EP300: variants seen among roughly 807,000 people sequenced by gnomAD.
The protein encoded by EP300 is EP300 lysine acetyltransferase.
In EP300, 31 loss-of-function variants were observed where a neutral mutation model predicts 264.0. The ratio of observed to expected loss-of-function variants is 0.12; its 90% CI spans 0.09 to 0.16. The LOEUF is 0.16. Among genes scored for constraint, EP300 ranks in the 10% least tolerant of loss-of-function variants. EP300 has a pLI of 1.00. For synonymous variants in EP300, 1,340 were observed against 1,045.4 expected (o/e 1.28, Z -5.44); for missense variants, 2,766 against 3,052.9 (o/e 0.91, Z 2.21).
rs1208385072 is a variant in EP300 at position 41,179,551 on chromosome 22, G to A, written c.*595G>A. 1.1e-5 allele frequency: 2 copies of A among 186,446 alleles called. No homozygotes were observed. Among genetic ancestry groups the A allele is most frequent in the Non-Finnish European group, 2.2e-5 (2 of 92,186 alleles). The allele number at this position is 186,446 out of a possible 1,614,324, so 11.5% of individuals were successfully genotyped here. On this transcript the variant is annotated 3_prime_UTR_variant, in exon 31 of 31. Transcript: ENST00000263253. ...AAATGTTTAAAAAAAAAAAAAAACT[G>A]CCTTTCTTCCCCTCAAGTCAACTTT...
intron 16 of EP300, among the ~76,000 whole-genome samples, chr22:41,152,704 G>C (rs1046428038): frequency 6.6e-6 from 1 of 151,946 alleles, no homozygotes; most frequent in East Asian, 1.9e-4. Context: ...TCATTCACCT[G>C]CTGTGTGCTA....
At chr22:41,136,986 G>A (rs530715998) in intron 7 of EP300, among the ~76,000 whole-genome samples, 74 of 152,110 alleles carry the variant, frequency 4.9e-4, no homozygotes, top group African/African-American at 1.5e-3. Flanking sequence ...CTTGAACCCC[G>A]GAGGCAGAGG....
chr22:41,158,663 A>G, intron 19 of EP300, 163 bp downstream of exon 19: 1 of 646,182 alleles, frequency 1.5e-6, no homozygotes, highest in Admixed American at 2.3e-5. Context: ...TTTGCAGAAC[A>G]ATAAAATTTT....
chr22:41,093,195 G>T, intron 1 of EP300, 97 bp downstream of exon 1: 20 of 1,194,744 alleles, frequency 1.7e-5, no homozygotes, highest in Non-Finnish European at 2.3e-5. Context: ...TCTCTCTCTA[G>T]TTCCCTGCCC....
intron 3 of EP300, among the ~76,000 whole-genome samples, chr22:41,126,541 C>A (rs893288438): frequency 3.9e-5 from 6 of 152,042 alleles, no homozygotes; most frequent in African/African-American, 1.4e-4. Context: ...TACAGTCAAA[C>A]TACTAGTAGT....
At chr22:41,112,037 G>A (rs557314439) in intron 1 of EP300, among the ~76,000 whole-genome samples, 11 of 151,490 alleles carry the variant, frequency 7.3e-5, no homozygotes, top group South Asian at 4.2e-4. Flanking sequence ...ACAGGCATCC[G>A]CCACCGCGCC....
chr22:41,177,507 T>A lies in EP300; in HGVS notation c.5796T>A (p.Ile1932=), dbSNP rs2145517752. 1.2e-6 allele frequency: 2 copies of A among 1,614,132 alleles called. No individual in the cohort carries two copies. Among genetic ancestry groups the A allele is most frequent in the South Asian group, 1.1e-5 (1 of 91,076 alleles). The part of the protein sequence containing the change: ...PPAAVEMAMQ[I]QRAAETQRQM... ...CAGCAGTGGAAATGGCAATGCAGAT[T>A]CAGAGAGCAGCGGAGACGCAGCGCC... Residue 1932 remains isoleucine (I), a synonymous_variant, in exon 31 of 31, where the codon ATT becomes ATA. Transcript: ENST00000263253.
chr22:41,112,540 G>A (rs545014440), intron 1 of EP300, among the ~76,000 whole-genome samples: 118 of 152,128 alleles, frequency 7.8e-4, no homozygotes, highest in African/African-American at 2.8e-3. Flanking sequence ...TTACTATGGC[G>A]AATGACAGTT....
chr22:41,101,743 T>C (rs1238704234), intron 1 of EP300, among the ~76,000 whole-genome samples: 4 of 152,102 alleles, frequency 2.6e-5, no homozygotes, highest in Admixed American at 2.6e-4. Context: ...TTTCTTGAGA[T>C]GGAGTCTTGC....
At chr22:41,102,029 C>CTTTTTTT (rs5845488) in intron 1 of EP300, among the ~76,000 whole-genome samples, 8 of 119,252 alleles carry the variant, frequency 6.7e-5, no homozygotes, top group African/African-American at 1.9e-4. Context: ...TTTTTCTTTT[C>CTTTTTTT]TTTTTTTTTT....
At chr22:41,134,552 G>A (rs914408578) in intron 6 of EP300, among the ~76,000 whole-genome samples, 5 of 152,050 alleles carry the variant, frequency 3.3e-5, no homozygotes, top group Admixed American at 1.3e-4. Flanking sequence ...GCACCACCAC[G>A]CCTGGCTAAT....
chr22:41,153,138 T>TGGTC (rs1308488494), intron 16 of EP300, among the ~76,000 whole-genome samples: 1 of 152,198 alleles, frequency 6.6e-6, no homozygotes, highest in Non-Finnish European at 1.5e-5. Context: ...GTTACTCAGC[T>TGGTC]GACCCTACTG....
At position 41,157,410 on chromosome 22, in the gene EP300, T is replaced by C. The variant is rs1303561929; in HGVS notation, c.3501+2T>C. On this transcript the variant is annotated splice_donor_variant, in intron 18 of 30. Transcript: ENST00000263253. LOFTEE classifies it high-confidence loss of function. The stretch of plus-strand genomic sequence containing the variant: ...CTTGGATACTGTTGTGGCAGAAAGG[T>C]AAGAAATGTGTTTCAGATTTGACTT... The C allele has an allele frequency of 6.2e-7, 1 of 1,613,634 alleles. No individual in the cohort carries two copies. The highest frequency in any genetic ancestry group is 8.5e-7 in the Non-Finnish European group (1 of 1,179,980).
intron 11 of EP300, 62 bp downstream of exon 11, chr22:41,146,878 T>C: frequency 7.0e-7 from 1 of 1,420,548 alleles, no homozygotes; most frequent in Non-Finnish European, 9.8e-7. Context: ...AAGATAATAC[T>C]TGCTACCTGA....
chr22:41,110,303 TTTTTTTTTTTTTTTTTTG>T (rs2058782699), intron 1 of EP300, among the ~76,000 whole-genome samples: 1 of 108,044 alleles, frequency 9.3e-6, no homozygotes, highest in Non-Finnish European at 1.9e-5. Context: ...TTTTTTTTTT[TTTTTTTTTTTTTTTTTTG>T]AGACAAAGTC....
chr22:41,174,739 T>TA (rs749648557), intron 29 of EP300: 32 of 152,288 alleles, frequency 2.1e-4, no homozygotes, highest in Non-Finnish European at 4.4e-4. Context: ...ATCAAGTTCT[T>TA]ATAGGAAGTG....
chr22:41,148,075 C>G, intron 12 of EP300, 129 bp downstream of exon 12: 1 of 710,406 alleles, frequency 1.4e-6, no homozygotes, highest in Non-Finnish European at 2.3e-6. Flanking sequence ...TGTAATTCTT[C>G]TGTATTTAAC....
intron 1 of EP300, among the ~76,000 whole-genome samples, chr22:41,111,455 T>C (rs912765804): frequency 6.6e-5 from 10 of 152,216 alleles, no homozygotes; most frequent in African/African-American, 2.2e-4. Context: ...TGTGATGATA[T>C]ATGTATTTGC....
At chr22:41,118,157 A>C (rs950776831) in intron 2 of EP300, among the ~76,000 whole-genome samples, 7 of 152,188 alleles carry the variant, frequency 4.6e-5, no homozygotes, top group Non-Finnish European at 1.0e-4. Context: ...CACTGTCTTC[A>C]GATGGATACT....
Sources: gnomAD v4.1 joint callset for allele counts (sites outside exome capture counted in the v4.1 genomes callset) on GRCh38, gnomAD v4.1.1 for gene constraint, MANE v1.5 for transcripts, NCBI Gene and HGNC (gene_info 2026-07-23, HGNC 2026-07-21) for gene names.